The following STX8 variants were observed in gnomAD, a reference collection of about 807,000 sequenced individuals.
STX8 encodes the protein syntaxin-8.
Under a neutral mutation model 37.5 loss-of-function variants are expected in STX8, and 23 were observed. The ratio of observed to expected loss-of-function variants is 0.61; its 90% CI spans 0.44 to 0.87. The LOEUF is 0.87. Among genes scored for constraint, STX8 ranks in the 40% least tolerant of loss-of-function variants. The pLI, the probability that STX8 is intolerant of heterozygous loss-of-function variation, is 0.00. For missense variants in STX8, 313 were observed against 284.7 expected, an observed-to-expected ratio of 1.10 and a Z score of -0.71; for synonymous variants, 115 against 99.1, an observed-to-expected ratio of 1.16 and a Z score of -0.95.
intron 6 of STX8, among the ~76,000 whole-genome samples, chr17:9,478,870 C>T (rs942045886): frequency 1.6e-4 from 25 of 152,214 alleles, no homozygotes; most frequent in African/African-American, 4.6e-4. Flanking sequence ...CAGCTCCCTT[C>T]GGCCCATTCC....
At chr17:9,347,923 G>A (rs1469736792) in intron 7 of STX8, among the ~76,000 whole-genome samples, 1 of 152,010 alleles carries the variant, frequency 6.6e-6, no homozygotes, top group Non-Finnish European at 1.5e-5. Context: ...CTTTCACTTG[G>A]CATAATGTTT....
rs560091608 is a variant in STX8 at position 9,557,275 on chromosome 17, G to C, written c.212+159C>G. 4.7e-5 allele frequency: 28 copies of C among 593,186 alleles called. No homozygotes were observed. The South Asian group carries it at 5.5e-4, about 12-fold the overall frequency. 36.7% of individuals were successfully genotyped at this position (593,186 alleles called of 1,614,324 possible). A position where few individuals can be genotyped will look rare whatever the true frequency, so the allele number is the denominator to read the frequency against. On this transcript the variant is annotated intron_variant, in intron 3 of 7. Transcript: ENST00000306357. ...CATATTCACTGTAAAACATGTAACA[G>C]ACACTTAAAATAGAAATCAAGATTA...
At chr17:9,525,641 C>T (rs1176047401) in intron 4 of STX8, among the ~76,000 whole-genome samples, 1 of 152,106 alleles carries the variant, frequency 6.6e-6, no homozygotes, top group African/African-American at 2.4e-5. Flanking sequence ...CCACCGTGCC[C>T]GGCCCAGATT....
intron 4 of STX8, among the ~76,000 whole-genome samples, chr17:9,517,487 T>A (rs1393330625): frequency 6.6e-6 from 1 of 152,172 alleles, no homozygotes; most frequent in African/African-American, 2.4e-5. Flanking sequence ...CTCATGTGAA[T>A]CGCACACAGC....
rs113846990 is a variant in STX8 at position 9,405,294 on chromosome 17, T to C, written c.542-26641A>G. 3.2e-4 allele frequency among the ~76,000 whole-genome samples: 49 copies of C among 152,218 alleles called. 1 individual carries two copies. Among genetic ancestry groups the C allele is most frequent in the African/African-American group, 1.1e-3 (45 of 41,526 alleles). On this transcript the variant is annotated intron_variant, in intron 6 of 7. Transcript: ENST00000306357. Reference sequence around the variant, plus strand: ...TGATCTAGAGTCTGAATTAGAGACCTTGGGTTTGGAAGCAAGTAGAACACA... The same window carrying C: ...TGATCTAGAGTCTGAATTAGAGACCCTGGGTTTGGAAGCAAGTAGAACACA...
chr17:9,258,734 G>T (rs1325851691), intron 7 of STX8, among the ~76,000 whole-genome samples: 1 of 152,244 alleles, frequency 6.6e-6, no homozygotes, highest in Non-Finnish European at 1.5e-5. Context: ...AACTCTGCAG[G>T]TTTTTCTTTC....
At chr17:9,310,874 A>G (rs76765809) in intron 7 of STX8, among the ~76,000 whole-genome samples, 8,604 of 152,216 alleles carry the variant, frequency 0.057, 797 homozygotes, top group African/African-American at 0.19. Context: ...TCCTAGTTTG[A>G]TATCTCAAAT....
chr17:9,470,279 T>C (rs979251411), intron 6 of STX8, among the ~76,000 whole-genome samples: 3 of 152,204 alleles, frequency 2.0e-5, no homozygotes, highest in Non-Finnish European at 4.4e-5. Context: ...TTTAAGGATT[T>C]GAAATTACTT....
intron 7 of STX8, among the ~76,000 whole-genome samples, chr17:9,367,172 GTT>G (rs79285740): frequency 4.4e-5 from 6 of 136,618 alleles, no homozygotes; most frequent in African/African-American, 7.8e-5. Context: ...TGTTTTTTTT[GTT>G]TTTTTTTTTT....
In STX8 at chr17:9,465,239, A is replaced by C. The variant is rs778045423; in HGVS notation, c.541+26590T>G. Among the ~76,000 whole-genome samples, 2 of 151,694 alleles carry C rather than the reference A, an allele frequency of 1.3e-5. 1 individual carries two copies. The highest frequency in any genetic ancestry group is 2.9e-5 in the Non-Finnish European group (2 of 67,982). On this transcript the variant is annotated intron_variant, in intron 6 of 7. Coordinates refer to ENST00000306357, the MANE Select transcript of STX8 (RefSeq NM_004853.3). ...GAAATGTCAGGCATGTTATTTTCAG[A>C]GTGATTTAAACAGCTCTAGTGTTAT...
intron 2 of STX8, among the ~76,000 whole-genome samples, chr17:9,558,652 T>C (rs959984301): frequency 6.6e-6 from 1 of 151,674 alleles, no homozygotes; most frequent in African/African-American, 2.4e-5. Flanking sequence ...TGAAACCCCG[T>C]CTCTACTAAA....
chr17:9,543,496 C>A (rs1273671561), intron 4 of STX8, among the ~76,000 whole-genome samples: 1 of 152,048 alleles, frequency 6.6e-6, no homozygotes, highest in Non-Finnish European at 1.5e-5. Context: ...GTAGAGATGG[C>A]ATTTCACCTT....
In STX8 at chr17:9,321,520, CTTAT is replaced by C. The variant is rs201618551; in HGVS notation, c.643+57028_643+57031del. Among the ~76,000 whole-genome samples the C allele has an allele frequency of 4.3e-3, 645 of 151,598 alleles. 6 individuals are homozygous for C. Among genetic ancestry groups the C allele is most frequent in the African/African-American group, 0.015 (604 of 41,386 alleles). On this transcript the variant is annotated intron_variant, in intron 7 of 7. Transcript: ENST00000306357. ...AAAAATAACACATATAAATATACTA[CTTAT>C]TTATTTATTTATTGAGATAGAGTCT...
intron 6 of STX8, among the ~76,000 whole-genome samples, chr17:9,459,358 G>A (rs1040261462): frequency 7.2e-5 from 11 of 152,200 alleles, no homozygotes; most frequent in Non-Finnish European, 1.2e-4. Flanking sequence ...GGTGACACAA[G>A]TGTCTCCAGG....
chr17:9,416,479 C>G (rs1464076095), intron 6 of STX8, among the ~76,000 whole-genome samples: 1 of 152,092 alleles, frequency 6.6e-6, no homozygotes, highest in Non-Finnish European at 1.5e-5. Flanking sequence ...AAGCAATTCT[C>G]TGCCTCGGCC....
At chr17:9,480,630 C>T (rs982723501) in intron 6 of STX8, among the ~76,000 whole-genome samples, 1 of 152,150 alleles carries the variant, frequency 6.6e-6, no homozygotes, top group African/African-American at 2.4e-5. Context: ...ACCTCATAAA[C>T]TCATTCTGGT....
intron 7 of STX8, among the ~76,000 whole-genome samples, chr17:9,307,411 G>A (rs561124315): frequency 4.6e-5 from 7 of 152,228 alleles, no homozygotes; most frequent in South Asian, 2.1e-4. Context: ...TCTTCCTCTC[G>A]GGTCAGCCAA....
At chr17:9,567,796 C>A (rs1171140055) in intron 2 of STX8, among the ~76,000 whole-genome samples, 1 of 152,202 alleles carries the variant, frequency 6.6e-6, no homozygotes, top group Non-Finnish European at 1.5e-5. Context: ...AAGCAATTCT[C>A]CTGCCTCAGC....
chr17:9,575,301 G>A (rs910434779), intron 1 of STX8, among the ~76,000 whole-genome samples: 1 of 152,158 alleles, frequency 6.6e-6, no homozygotes, highest in African/African-American at 2.4e-5. Flanking sequence ...TATCTGGAAG[G>A]GCCCCCAAGA....
Sources: gnomAD v4.1 joint callset for allele counts (sites outside exome capture counted in the v4.1 genomes callset) on GRCh38, gnomAD v4.1.1 for gene constraint, MANE v1.5 for transcripts, NCBI Gene and HGNC (gene_info 2026-07-23, HGNC 2026-07-21) for gene names.